Variants in KIAA0753 observed in about 807,000 individuals in gnomAD.
KIAA0753 encodes the protein KIAA0753.
Under a neutral mutation model 116.9 loss-of-function variants are expected in KIAA0753, and 114 were observed. That is an observed-to-expected ratio of 0.98 (90% CI 0.84 to 1.14). The LOEUF (loss-of-function observed/expected upper bound fraction) is 1.14, where lower values mean the gene tolerates loss of function less well. Ranked by LOEUF, KIAA0753 falls within the 50% of genes most tolerant of loss-of-function variation. KIAA0753 has a pLI of 0.00. For synonymous variants in KIAA0753, 405 were observed against 413.1 expected, an observed-to-expected ratio of 0.98 and a Z score of 0.24; for missense variants, 1,156 against 1,172.4, an observed-to-expected ratio of 0.99 and a Z score of 0.20.
intron 7 of KIAA0753, among the ~76,000 whole-genome samples, chr17:6,616,007 G>C (rs1054664843): frequency 6.6e-6 from 1 of 151,320 alleles, no homozygotes; most frequent in Non-Finnish European, 1.5e-5. Flanking sequence ...GGGGTGGGTG[G>C]GGAAGAGGAG....
In KIAA0753 at chr17:6,612,079, G is replaced by A. The variant is rs1373208827; in HGVS notation, c.1385C>T (p.Ala462Val). 5.6e-6 allele frequency: 9 copies of A among 1,613,962 alleles called. No homozygotes were observed. The East Asian group carries it at 6.7e-5, about 12-fold the overall frequency. Reference sequence around the variant, plus strand: ...TGGTCCTTCTTCCAGAACTATATCCGCATCTAATACATCAAGCTCACTCTG... The same window carrying A: ...TGGTCCTTCTTCCAGAACTATATCCACATCTAATACATCAAGCTCACTCTG... ...RLQSELDVLD[A>V]DIVLEEGPFI... is the part of the protein sequence containing the mutation. The change falls in exon 8 of 19, where the codon GCG becomes GTG. Residue 462 changes from alanine to valine, a missense_variant. Transcript: ENST00000361413.
At chr17:6,623,643 G>A (rs1971472716) in intron 4 of KIAA0753, 72 bp from the exon 5 acceptor site, 45 of 1,542,682 alleles carry the variant, frequency 2.9e-5, no homozygotes, top group Non-Finnish European at 3.8e-5. Context: ...AGGATGCATC[G>A]ATATATCTCC....
At chr17:6,610,282 A>G in intron 8 of KIAA0753, 122 bp from the exon 9 acceptor site, 1 of 881,200 alleles carries the variant, frequency 1.1e-6, no homozygotes, top group Non-Finnish European at 1.6e-6. Context: ...GTAAAACCTG[A>G]GTAGAAAGCA....
chr17:6,585,355 T>G (rs1218890666), intron 18 of KIAA0753, among the ~76,000 whole-genome samples: 5 of 152,204 alleles, frequency 3.3e-5, no homozygotes, highest in Non-Finnish European at 7.3e-5. Flanking sequence ...TTCTATTCAT[T>G]TATTCCTTCA....
chr17:6,588,668 G>A (rs1425610384), intron 18 of KIAA0753, among the ~76,000 whole-genome samples: 1 of 152,112 alleles, frequency 6.6e-6, no homozygotes, highest in Admixed American at 6.5e-5. Flanking sequence ...CTATATAAAT[G>A]TAATTATAGT....
At chr17:6,590,040 C>A in intron 17 of KIAA0753, 37 bp from the exon 18 acceptor site, 3 of 1,426,856 alleles carry the variant, frequency 2.1e-6, no homozygotes, top group South Asian at 2.8e-5. Flanking sequence ...CATTCAAGAT[C>A]ATCTGTAAGC....
chr17:6,590,578 T>C lies in KIAA0753; in HGVS notation c.2493A>G (p.Arg831=). 3.1e-6 allele frequency: 5 copies of C among 1,614,068 alleles called. No homozygotes were observed. Among genetic ancestry groups the C allele is most frequent in the Non-Finnish European group, 4.2e-6 (5 of 1,179,946 alleles). Residue 831 remains arginine, a synonymous_variant, in exon 17 of 19, where the codon AGA becomes AGG. Coordinates refer to ENST00000361413, the MANE Select transcript of KIAA0753 (RefSeq NM_014804.3). Reference sequence around the variant, plus strand: ...CCTTGCGATCCACTGTCTTCGTGATTCTGATTGGATGAGGAGATAGAGGCT... The same window carrying C: ...CCTTGCGATCCACTGTCTTCGTGATCCTGATTGGATGAGGAGATAGAGGCT... ...SEKPLSPHPI[R]ITKTVDRKDP...
chr17:6,593,847 TGCACTCCAGCCTGGGGAACA>T (rs1969269230), intron 16 of KIAA0753, among the ~76,000 whole-genome samples: 1 of 152,154 alleles, frequency 6.6e-6, no homozygotes, highest in South Asian at 2.1e-4. Flanking sequence ...ACTGCACCAC[TGCACTCCAGCCTGGGGAACA>T]GAGTGAAACT....
intron 9 of KIAA0753, 143 bp downstream of exon 9, chr17:6,609,851 G>T: frequency 1.1e-6 from 1 of 883,772 alleles, no homozygotes; most frequent in Non-Finnish European, 1.8e-6. Flanking sequence ...TCTCATGTAT[G>T]ACTCACCCAA....
chr17:6,607,669 T>G (rs1311889823), intron 10 of KIAA0753, among the ~76,000 whole-genome samples: 4 of 152,240 alleles, frequency 2.6e-5, no homozygotes, highest in Non-Finnish European at 5.9e-5. Context: ...CTCTGCTGTA[T>G]GTAAAAGTGC....
rs141990822 is a variant in KIAA0753, at chr17:6,630,298, G to A, written c.94-1557C>T. Among the ~76,000 whole-genome samples, 568 of 152,052 alleles carry A rather than the reference G, an allele frequency of 3.7e-3. 4 individuals are homozygous for A. The highest frequency in any genetic ancestry group is 0.011 in the African/African-American group (438 of 41,470). ...TGGAAATACCATCTCTTACCCAACC[G>A]ATTAGCAAAAATTTAAAAGTATAGC... On this transcript the variant is annotated intron_variant, in intron 2 of 18. Transcript: ENST00000361413.
chr17:6,578,551 G>C lies in KIAA0753; in HGVS notation c.*1196C>G, dbSNP rs1374854264. The C allele has an allele frequency of 6.6e-6, 1 of 152,192 alleles. No individual in the cohort carries two copies. The allele number at this position is 152,192 out of a possible 1,614,324, so 9.4% of individuals were successfully genotyped here. A position where few individuals can be genotyped will look rare whatever the true frequency, so the allele number is the denominator to read the frequency against. On this transcript the variant is annotated 3_prime_UTR_variant, in exon 19 of 19. Transcript: ENST00000361413. ...ATGAAAATCAATTTTGCACAAATAA[G>C]TGTGATCAAGCAGCTTAAATCACCT...
chr17:6,611,055 G>C (rs1429959078), intron 8 of KIAA0753, among the ~76,000 whole-genome samples: 3 of 152,164 alleles, frequency 2.0e-5, no homozygotes, highest in Non-Finnish European at 4.4e-5. Flanking sequence ...TGCTAAAGAA[G>C]CCTTTGGGCA....
At chr17:6,616,335 C>T (rs1243152447) in intron 7 of KIAA0753, among the ~76,000 whole-genome samples, 1 of 152,138 alleles carries the variant, frequency 6.6e-6, no homozygotes, top group East Asian at 1.9e-4. Context: ...TTAAAATAGC[C>T]ACCAAAGATT....
chr17:6,599,577 C>T (rs1969712148), intron 13 of KIAA0753, among the ~76,000 whole-genome samples: 1 of 152,110 alleles, frequency 6.6e-6, no homozygotes, highest in Non-Finnish European at 1.5e-5. Flanking sequence ...AGTCATTCAA[C>T]TTCTCTGTTC....
At chr17:6,583,242 T>C (rs1968321367) in intron 18 of KIAA0753, among the ~76,000 whole-genome samples, 1 of 152,238 alleles carries the variant, frequency 6.6e-6, no homozygotes, top group Non-Finnish European at 1.5e-5. Flanking sequence ...TCTTCCAGTT[T>C]CCACTGTTTT....
chr17:6,628,016 AGAAT>A lies in KIAA0753; in HGVS notation c.718+97_718+100del, dbSNP rs1971781216. On this transcript the variant is annotated intron_variant, in intron 3 of 18. Coordinates refer to ENST00000361413, the MANE Select transcript of KIAA0753 (RefSeq NM_014804.3). ...CCAGTGAACCAACTCACAGAAGGAA[AGAAT>A]GAAATTGCTATAGGGGTTGAGGGTC... The A allele has an allele frequency of 7.9e-6, 9 of 1,146,394 alleles. No homozygotes were observed. The East Asian group carries it at 2.1e-4, about 27-fold the overall frequency. The allele number at this position is 1,146,394 out of a possible 1,614,324, so 71.0% of individuals were successfully genotyped here. A position where few individuals can be genotyped will look rare whatever the true frequency, so the allele number is the denominator to read the frequency against.
intron 14 of KIAA0753, 49 bp downstream of exon 14, chr17:6,599,188 G>T (rs775656376): frequency 6.4e-6 from 8 of 1,254,446 alleles, no homozygotes; most frequent in African/African-American, 3.0e-5. Flanking sequence ...TACAACTAAA[G>T]ATGTTATCAA....
chr17:6,623,873 T>G (rs1399132685), intron 4 of KIAA0753: 1 of 262,462 alleles, frequency 3.8e-6, no homozygotes, highest in African/African-American at 2.3e-5. Context: ...TCGTGAAGTC[T>G]TACATGCCAC....
Sources: allele counts gnomAD v4.1 joint callset (sites outside exome capture counted in the v4.1 genomes callset), GRCh38; gene constraint gnomAD v4.1.1; transcripts MANE v1.5; gene names NCBI Gene and HGNC (gene_info 2026-07-23, HGNC 2026-07-21).